Variants in HECW2 observed in about 807,000 individuals in gnomAD.
HECW2 encodes the protein HECT, C2 and WW domain containing E3 ubiquitin protein ligase 2, also known as E3 ubiquitin-protein ligase HECW2.
In HECW2, 61 loss-of-function variants were observed where a neutral mutation model predicts 175.2. The observed-to-expected ratio is 0.35, with a 90% CI of 0.28 to 0.43. HECW2 has a LOEUF of 0.43. Among genes scored for constraint, HECW2 ranks in the 20% least tolerant of loss-of-function variants. The pLI is 1.00. For missense variants in HECW2, 1,524 were observed against 2,000.5 expected, an observed-to-expected ratio of 0.76 and a Z score of 4.54; for synonymous variants, 671 against 731.0, an observed-to-expected ratio of 0.92 and a Z score of 1.32.
intron 1 of HECW2, among the ~76,000 whole-genome samples, chr2:196,478,071 A>G (rs566194537): frequency 6.6e-6 from 1 of 152,232 alleles, no homozygotes; most frequent in East Asian, 1.9e-4. Flanking sequence ...ACAAACATCC[A>G]AAAAACAAAA....
At chr2:196,375,030 T>C (rs1330115519) in intron 2 of HECW2, among the ~76,000 whole-genome samples, 3 of 151,370 alleles carry the variant, frequency 2.0e-5, no homozygotes, top group African/African-American at 7.3e-5. Context: ...GTCGTGGTGG[T>C]GCGCACCTGT....
intron 2 of HECW2, among the ~76,000 whole-genome samples, chr2:196,423,863 A>G (rs920836562): frequency 2.0e-5 from 3 of 152,094 alleles, no homozygotes; most frequent in African/African-American, 7.2e-5. Flanking sequence ...ATGTATACCC[A>G]TAAGTGGGAT....
chr2:196,527,536 C>T (rs1373899756), intron 1 of HECW2, among the ~76,000 whole-genome samples: 1 of 152,222 alleles, frequency 6.6e-6, no homozygotes, highest in African/African-American at 2.4e-5. Flanking sequence ...CTATGAACAA[C>T]ATAAATGGGC....
chr2:196,571,439 T>C (rs1022517870), intron 1 of HECW2, among the ~76,000 whole-genome samples: 9 of 152,218 alleles, frequency 5.9e-5, no homozygotes, highest in African/African-American at 2.2e-4. Context: ...CTGGGCGCAG[T>C]GGCTCACACC....
chr2:196,437,025 T>C (rs573158791), intron 1 of HECW2, among the ~76,000 whole-genome samples: 1 of 152,246 alleles, frequency 6.6e-6, no homozygotes, highest in South Asian at 2.1e-4. Context: ...CTCAGAATAT[T>C]GTAAATTAAT....
chr2:196,278,131 AAAATATAT>A lies in HECW2; in HGVS notation c.3135+389_3135+396del, dbSNP rs1463383807. 1.2e-3 allele frequency among the ~76,000 whole-genome samples: 35 copies of A among 29,032 alleles called. 4 individuals are homozygous for A. The highest frequency in any genetic ancestry group is 0.02 in the Middle Eastern group (1 of 50). 19.0% of individuals were successfully genotyped at this position (29,032 alleles called of 152,430 possible). A position where few individuals can be genotyped will look rare whatever the true frequency, so the allele number is the denominator to read the frequency against. On this transcript the variant is annotated intron_variant, in intron 15 of 28. Coordinates refer to ENST00000644978, the MANE Select transcript of HECW2 (RefSeq NM_001348768.2). ...ACCCTAGAACTTAAAGTATAATTAA[AAAATATAT>A]ATATATATATATAAAGAAATTCCAC... is the stretch of plus-strand genomic sequence containing the variant.
intron 2 of HECW2, among the ~76,000 whole-genome samples, chr2:196,373,465 A>G (rs1231237901): frequency 2.6e-5 from 4 of 152,144 alleles, no homozygotes; most frequent in Non-Finnish European, 5.9e-5. Context: ...TTCATCCAAA[A>G]TGTCCTTCCT....
intron 1 of HECW2, among the ~76,000 whole-genome samples, chr2:196,480,604 A>C (rs1686808435): frequency 6.6e-6 from 1 of 152,242 alleles, no homozygotes; most frequent in South Asian, 2.1e-4. Flanking sequence ...AGAACTGGGA[A>C]GAGCACTGAA....
At position 196,242,073 on chromosome 2, in the gene HECW2, C is replaced by A. The variant is rs1688477509; in HGVS notation, c.3650+11G>T. 2 of 1,613,768 alleles carry A rather than the reference C, an allele frequency of 1.2e-6. No homozygotes were observed. The highest frequency in any genetic ancestry group is 3.3e-5 in the Admixed American group (2 of 60,020). On this transcript the variant is annotated intron_variant, in intron 20 of 28. Transcript: ENST00000644978. ...TCTATACATTATGTGGTTTGTGTCA[C>A]TTTGACTTACTTTAACTTCCCTGGG...
Position 196,205,855 on chromosome 2 carries a change from C to T in HECW2, c.4608-4467G>A, listed in dbSNP as rs1687048707. Among the ~76,000 whole-genome samples, 4 of 152,264 alleles carry T rather than the reference C, an allele frequency of 2.6e-5. No homozygotes were observed. The South Asian group carries it at 8.3e-4, about 32-fold the overall frequency. On this transcript the variant is annotated intron_variant, in intron 28 of 28. Transcript: ENST00000644978. ...ACATGATACCTACATTGGCTATTTG[C>T]ACCAGTGTTTTATGTGCTTGCAGAA...
Position 196,466,005 on chromosome 2 carries a change from AC to A in HECW2, c.-35-32548del. ...AGTTATGTTCACATCCAATCCCATAACCTTTTAATTGTTTCTCTAACAGACT... is the reference window on the plus strand; with the variant it reads ...AGTTATGTTCACATCCAATCCCATAACTTTTAATTGTTTCTCTAACAGACT... On this transcript the variant is annotated intron_variant, in intron 1 of 28. Transcript: ENST00000644978. 2.0e-5 allele frequency among the ~76,000 whole-genome samples: 3 copies of A among 152,246 alleles called. 1 individual carries two copies. The South Asian group carries it at 6.2e-4, about 32-fold the overall frequency.
At chr2:196,246,778 G>T (rs561698818) in intron 19 of HECW2, among the ~76,000 whole-genome samples, 1 of 152,068 alleles carries the variant, frequency 6.6e-6, no homozygotes, top group South Asian at 2.1e-4. Context: ...TTAAAAGGAC[G>T]TGGGAAATGC....
intron 24 of HECW2, 136 bp from the exon 25 acceptor site, chr2:196,221,077 G>A: frequency 1.2e-6 from 1 of 841,032 alleles, no homozygotes; most frequent in East Asian, 2.6e-5. Context: ...CTGGCAGTGA[G>A]GCCCCAGGCA....
intron 1 of HECW2, among the ~76,000 whole-genome samples, chr2:196,546,222 C>A (rs1269472009): frequency 6.6e-6 from 1 of 152,140 alleles, no homozygotes; most frequent in South Asian, 2.1e-4. Flanking sequence ...TTGAGGACCT[C>A]CCCTTAGTGC....
intron 1 of HECW2, among the ~76,000 whole-genome samples, chr2:196,563,652 G>A (rs1415656905): frequency 3.3e-5 from 5 of 152,076 alleles, no homozygotes; most frequent in Non-Finnish European, 5.9e-5. Flanking sequence ...AAGAACACAG[G>A]AACCAGCTTG....
At chr2:196,352,445 C>CT in intron 2 of HECW2, among the ~76,000 whole-genome samples, 1 of 152,338 alleles carries the variant, frequency 6.6e-6, no homozygotes, top group African/African-American at 2.4e-5. Flanking sequence ...GACACTATCT[C>CT]TGACATGGAC....
chr2:196,384,021 C>A (rs1034722552), intron 2 of HECW2, among the ~76,000 whole-genome samples: 14 of 152,160 alleles, frequency 9.2e-5, no homozygotes, highest in African/African-American at 3.4e-4. Flanking sequence ...ATGAGGTGAG[C>A]AACTAGCTTA....
intron 13 of HECW2, among the ~76,000 whole-genome samples, chr2:196,298,141 T>C (rs1690888714): frequency 6.6e-6 from 1 of 152,226 alleles, no homozygotes; most frequent in South Asian, 2.1e-4. Context: ...TTGGCACGTA[T>C]GTTGGAAAAT....
At chr2:196,570,239 C>G (rs1341254234) in intron 1 of HECW2, among the ~76,000 whole-genome samples, 2 of 152,206 alleles carry the variant, frequency 1.3e-5, no homozygotes, top group East Asian at 3.9e-4. Context: ...TGGTACTTTA[C>G]AACACGAGAA....
Sources: gnomAD v4.1 joint callset for allele counts (sites outside exome capture counted in the v4.1 genomes callset) on GRCh38, gnomAD v4.1.1 for gene constraint, MANE v1.5 for transcripts, NCBI Gene and HGNC (gene_info 2026-07-23, HGNC 2026-07-21) for gene names.